The following GRM7 variants were observed in gnomAD, a reference collection of about 807,000 sequenced individuals.
GRM7 encodes metabotropic glutamate receptor 7.
A neutral mutation model predicts 84.5 loss-of-function variants in GRM7; 35 were observed. That is an observed-to-expected ratio of 0.41 (90% CI 0.32 to 0.55). GRM7 has a LOEUF of 0.55. Ranked by LOEUF, GRM7 falls within the 20% of genes least tolerant of loss-of-function variation. The probability of loss-of-function intolerance (pLI) is 0.19; values close to 1 mark genes in which losing one functional copy is unlikely to be tolerated. For synonymous variants in GRM7, 487 were observed against 455.1 expected, an observed-to-expected ratio of 1.07 and a Z score of -0.89; for missense variants, 1,003 against 1,194.6, an observed-to-expected ratio of 0.84 and a Z score of 2.36.
At chr3:7,440,561 T>C (rs746334709) in intron 5 of GRM7, among the ~76,000 whole-genome samples, 9 of 152,240 alleles carry the variant, frequency 5.9e-5, no homozygotes, top group Non-Finnish European at 1.2e-4. Context: ...TGTAGACAAA[T>C]TGAGTGTCGT....
At chr3:7,328,231 C>T (rs1294488485) in intron 4 of GRM7, among the ~76,000 whole-genome samples, 1 of 152,200 alleles carries the variant, frequency 6.6e-6, no homozygotes, top group Non-Finnish European at 1.5e-5. Flanking sequence ...AACTCATCGT[C>T]ATGGCTTTTG....
intron 2 of GRM7, among the ~76,000 whole-genome samples, chr3:7,272,356 C>A (rs777960486): frequency 6.6e-6 from 1 of 152,040 alleles, no homozygotes; most frequent in Non-Finnish European, 1.5e-5. Context: ...AAGAGTTTAA[C>A]CTCCCTATGA....
intron 7 of GRM7, among the ~76,000 whole-genome samples, chr3:7,473,164 A>G (rs1698771125): frequency 6.6e-6 from 1 of 152,142 alleles, no homozygotes; most frequent in African/African-American, 2.4e-5. Flanking sequence ...TTGATTGCTT[A>G]CTGCAGTAAG....
intron 2 of GRM7, among the ~76,000 whole-genome samples, chr3:7,152,797 T>A (rs1054459551): frequency 6.6e-6 from 1 of 152,196 alleles, no homozygotes; most frequent in African/African-American, 2.4e-5. Flanking sequence ...GGATCACTAA[T>A]TGTGTAAGTT....
chr3:6,907,959 T>C (rs1696638561), intron 1 of GRM7, among the ~76,000 whole-genome samples: 1 of 152,162 alleles, frequency 6.6e-6, no homozygotes. Context: ...TCTTTCCCTC[T>C]CTGCTTTCCC....
At chr3:7,062,620 CA>C (rs1209450974) in intron 1 of GRM7, among the ~76,000 whole-genome samples, 5 of 151,708 alleles carry the variant, frequency 3.3e-5, no homozygotes, top group Non-Finnish European at 7.4e-5. Context: ...GGCATAATTT[CA>C]CAGTGATAAT....
chr3:7,224,138 T>C (rs1696901161), intron 2 of GRM7, among the ~76,000 whole-genome samples: 1 of 152,182 alleles, frequency 6.6e-6, no homozygotes, highest in Non-Finnish European at 1.5e-5. Flanking sequence ...GAAAAAAGGT[T>C]TATTTGACTC....
intron 1 of GRM7, among the ~76,000 whole-genome samples, chr3:7,069,730 A>G (rs2124982080): frequency 6.6e-6 from 1 of 152,220 alleles, no homozygotes; most frequent in South Asian, 2.1e-4. Context: ...AGTGTGATTA[A>G]CAACACTGAC....
At chr3:7,279,408 T>C (rs1472582073) in intron 2 of GRM7, among the ~76,000 whole-genome samples, 1 of 152,130 alleles carries the variant, frequency 6.6e-6, no homozygotes, top group Non-Finnish European at 1.5e-5. Context: ...AAGATCTCTG[T>C]ACAACTGATT....
intron 7 of GRM7, among the ~76,000 whole-genome samples, chr3:7,572,847 T>A (rs1279607517): frequency 0.037 from 741 of 19,952 alleles, 123 homozygotes; most frequent in Admixed American, 0.071. Flanking sequence ...TATATATATA[T>A]ATATATATAT....
At chr3:6,931,585 G>A (rs1047877158) in intron 1 of GRM7, among the ~76,000 whole-genome samples, 1 of 152,158 alleles carries the variant, frequency 6.6e-6, no homozygotes, top group African/African-American at 2.4e-5. Context: ...CTTCTCCAAA[G>A]TGCCCCCTGC....
chr3:7,053,305 C>G (rs563628013), intron 1 of GRM7, among the ~76,000 whole-genome samples: 72 of 150,940 alleles, frequency 4.8e-4, no homozygotes, highest in Non-Finnish European at 8.9e-4. Context: ...CATTTATTGG[C>G]TAAATATTTT....
intron 7 of GRM7, among the ~76,000 whole-genome samples, chr3:7,497,138 T>C (rs1699735229): frequency 6.6e-6 from 1 of 152,146 alleles, no homozygotes; most frequent in African/African-American, 2.4e-5. Flanking sequence ...GAAGTGGCTC[T>C]CTTGGTCATG....
intron 8 of GRM7, among the ~76,000 whole-genome samples, chr3:7,675,577 G>A (rs1208691630): frequency 6.6e-6 from 1 of 152,170 alleles, no homozygotes; most frequent in Admixed American, 6.5e-5. Flanking sequence ...ATGAGAAAAT[G>A]GCATGGAGCA....
chr3:7,548,349 C>G (rs1693273944), intron 7 of GRM7, among the ~76,000 whole-genome samples: 1 of 152,180 alleles, frequency 6.6e-6, no homozygotes, highest in Non-Finnish European at 1.5e-5. Context: ...TGCCTTCTGC[C>G]CTGAGTGGAA....
At chr3:7,349,868 A>G (rs940469817) in intron 4 of GRM7, among the ~76,000 whole-genome samples, 12 of 152,116 alleles carry the variant, frequency 7.9e-5, no homozygotes, top group African/African-American at 2.6e-4. Flanking sequence ...ATTAGGTTAG[A>G]TTCCTCCTCT....
intron 1 of GRM7, among the ~76,000 whole-genome samples, chr3:7,108,344 A>T (rs1364257195): frequency 3.9e-5 from 6 of 152,064 alleles, no homozygotes; most frequent in Admixed American, 3.9e-4. Context: ...GGGCACATGT[A>T]TGGACAGGCT....
chr3:7,268,528 T>G (rs1002741454), intron 2 of GRM7, among the ~76,000 whole-genome samples: 8 of 152,090 alleles, frequency 5.3e-5, no homozygotes, highest in Admixed American at 1.3e-4. Context: ...TAGATAAAAT[T>G]ACAACAAAAT....
At chr3:7,316,803 G>A (rs1000291109) in intron 4 of GRM7, among the ~76,000 whole-genome samples, 1 of 152,118 alleles carries the variant, frequency 6.6e-6, no homozygotes, top group Non-Finnish European at 1.5e-5. Flanking sequence ...CATAAGCCTG[G>A]AGTTTATGGG....
Sources: allele counts gnomAD v4.1 joint callset (sites outside exome capture counted in the v4.1 genomes callset), GRCh38; gene constraint gnomAD v4.1.1; transcripts MANE v1.5; gene names NCBI Gene and HGNC (gene_info 2026-07-23, HGNC 2026-07-21).